Variants in RPS6KA1 observed in about 807,000 individuals in gnomAD.
RPS6KA1 encodes ribosomal protein S6 kinase alpha-1.
In RPS6KA1, 48 loss-of-function variants were observed where a neutral mutation model predicts 91.3. That is an observed-to-expected ratio of 0.53 (90% CI 0.42 to 0.67). The LOEUF (loss-of-function observed/expected upper bound fraction) is 0.67, where lower values mean the gene tolerates loss of function less well. RPS6KA1 is among the 30% of genes least tolerant of loss of function. The pLI is 0.00. For missense variants in RPS6KA1, 719 were observed against 960.5 expected (o/e 0.75, Z 3.32); for synonymous variants, 359 against 384.7 (o/e 0.93, Z 0.78).
At position 26,551,630 on chromosome 1, in the gene RPS6KA1, C is replaced by G. The variant is rs367963132; in HGVS notation, c.389-14C>G. ...CCGCGCCGACTCTACCATTGCCTTT[C>G]TCCCTCTTCCCAGCCTTCCAGACCG... On this transcript the variant is annotated splice_polypyrimidine_tract_variant and intron_variant, in intron 5 of 21. Transcript: ENST00000374168. This position sits in a 1 kb window ranked among gnomAD's most constrained non-coding sequence, Gnocchi z 4.5. The G allele has an allele frequency of 1.2e-6, 2 of 1,613,434 alleles. No individual in the cohort carries two copies. Among genetic ancestry groups the G allele is most frequent in the African/African-American group, 2.7e-5 (2 of 74,934 alleles).
rs985150038 is a variant in RPS6KA1 at position 26,547,439 on chromosome 1, C to T, written c.307+169C>T. 18 of 610,278 alleles carry T rather than the reference C, an allele frequency of 2.9e-5. No individual in the cohort carries two copies. Among genetic ancestry groups the T allele is most frequent in the Admixed American group, 8.3e-5 (3 of 36,358 alleles). The allele number at this position is 610,278 out of a possible 1,614,324, so 37.8% of individuals were successfully genotyped here. ...AGCTATCCCTCGCCAGCCAATCCTC[C>T]TCCCCCTAAGCCAAGTGCTAGTGAC... On this transcript the variant is annotated intron_variant, in intron 4 of 21. Coordinates refer to ENST00000374168, the MANE Select transcript of RPS6KA1 (RefSeq NM_002953.4). This position sits in a 1 kb window ranked among gnomAD's most constrained non-coding sequence, Gnocchi z 4.1.
intron 2 of RPS6KA1, chr1:26,546,058 T>C: frequency 1.2e-6 from 2 of 1,609,166 alleles, no homozygotes; most frequent in Non-Finnish European, 1.7e-6. Context: ...GAATGTCTGG[T>C]CCTGACCTGG....
chr1:26,574,751 AC>A lies in RPS6KA1; in HGVS notation c.*551del. Reference sequence around the variant, plus strand: ...GGGAGTTCTAGAACCACTTCCTGCTACAGGAGGGGTCTCATGTCCTGCTGGC... The same window carrying A: ...GGGAGTTCTAGAACCACTTCCTGCTAAGGAGGGGTCTCATGTCCTGCTGGC... On this transcript the variant is annotated 3_prime_UTR_variant, in exon 22 of 22. Coordinates refer to ENST00000374168, the MANE Select transcript of RPS6KA1 (RefSeq NM_002953.4). This position sits in a 1 kb window ranked among gnomAD's most constrained non-coding sequence, Gnocchi z 4.3. The A allele has an allele frequency of 3.5e-6, 1 of 285,050 alleles. No individual in the cohort carries two copies. The highest frequency in any genetic ancestry group is 7.0e-6 in the Non-Finnish European group (1 of 143,246). The allele number at this position is 285,050 out of a possible 1,614,324, so 17.7% of individuals were successfully genotyped here.
chr1:26,565,810 T>C (rs1457995495), intron 17 of RPS6KA1, among the ~76,000 whole-genome samples: 1 of 152,060 alleles, frequency 6.6e-6, no homozygotes, highest in East Asian at 1.9e-4. Flanking sequence ...GATCCACCGG[T>C]CTCGGCCTCC....
chr1:26,537,114 C>T (rs1212922767), intron 2 of RPS6KA1, 145 bp downstream of exon 2: 1 of 816,902 alleles, frequency 1.2e-6, no homozygotes, highest in Non-Finnish European at 2.0e-6. Context: ...TTGTGGCAAC[C>T]CTGGGCATAG....
intron 4 of RPS6KA1, among the ~76,000 whole-genome samples, chr1:26,548,254 G>A (rs2124631192): frequency 6.6e-6 from 1 of 152,216 alleles, no homozygotes; most frequent in East Asian, 1.9e-4. Context: ...AGGCTGGGCA[G>A]GAGAGGCTAA....
chr1:26,545,199 T>C (rs2075982449), intron 2 of RPS6KA1, among the ~76,000 whole-genome samples: 10 of 151,180 alleles, frequency 6.6e-5, no homozygotes, highest in Admixed American at 6.6e-4. Flanking sequence ...AGATGGAGTC[T>C]TGCTCTGCCA....
chr1:26,555,474 G>A lies in RPS6KA1; in HGVS notation c.828-63G>A. On this transcript the variant is annotated intron_variant, in intron 10 of 21. Transcript: ENST00000374168. This position sits in a 1 kb window ranked among gnomAD's most constrained non-coding sequence, Gnocchi z 4.3. Reference sequence around the variant, plus strand: ...AGCTGGGAACTAGATCTGGACAGGGGCCGGGGGAGATGGGGCCTCTGGGGC... The same window carrying A: ...AGCTGGGAACTAGATCTGGACAGGGACCGGGGGAGATGGGGCCTCTGGGGC... 1.4e-6 allele frequency: 2 copies of A among 1,467,886 alleles called. No individual in the cohort carries two copies. The highest frequency in any genetic ancestry group is 2.5e-5 in the East Asian group (1 of 40,472). The allele number at this position is 1,467,886 out of a possible 1,614,324, so 90.9% of individuals were successfully genotyped here.
Position 26,529,824 on chromosome 1 carries a change from G to T in RPS6KA1, c.-97G>T, listed in dbSNP as rs948056198. ...GCCGGAGCGCGAGGGGCTCGGGGGGGCGCGGCGGTTCGGGTCGCAGAGCCA... is the reference window on the plus strand; with the variant it reads ...GCCGGAGCGCGAGGGGCTCGGGGGGTCGCGGCGGTTCGGGTCGCAGAGCCA... On this transcript the variant is annotated 5_prime_UTR_variant, in exon 1 of 22. Transcript: ENST00000374168. This position sits in a 1 kb window ranked among gnomAD's most constrained non-coding sequence, Gnocchi z 4.2. The T allele has an allele frequency of 9.7e-6, 9 of 923,086 alleles. No homozygotes were observed. In the Admixed American group the frequency reaches 3.8e-4, roughly 39 times the overall value. The allele number at this position is 923,086 out of a possible 1,614,324, so 57.2% of individuals were successfully genotyped here.
Position 26,554,825 on chromosome 1 carries a change from T to C in RPS6KA1, c.756+87T>C, listed in dbSNP as rs555809655. On this transcript the variant is annotated intron_variant, in intron 9 of 21. Coordinates refer to ENST00000374168, the MANE Select transcript of RPS6KA1 (RefSeq NM_002953.4). This position sits in a 1 kb window ranked among gnomAD's most constrained non-coding sequence, Gnocchi z 4.6. The stretch of plus-strand genomic sequence containing the variant: ...GTACAGTGAGGGGGTTGATCATTTC[T>C]AGGGCTCTCCCCGTCTCCTCTCACA... 16 of 1,484,404 alleles carry C rather than the reference T, an allele frequency of 1.1e-5. No homozygotes were observed. The highest frequency in any genetic ancestry group is 1.2e-5 in the Non-Finnish European group (13 of 1,101,858). 92.0% of individuals were successfully genotyped at this position (1,484,404 alleles called of 1,614,324 possible). A position where few individuals can be genotyped will look rare whatever the true frequency, so the allele number is the denominator to read the frequency against.
rs900804433 is a variant in RPS6KA1 at position 26,547,994 on chromosome 1, C to T, written c.307+724C>T. 2.0e-5 allele frequency among the ~76,000 whole-genome samples: 3 copies of T among 152,088 alleles called. No individual in the cohort carries two copies. Among genetic ancestry groups the T allele is most frequent in the Non-Finnish European group, 4.4e-5 (3 of 68,010 alleles). On this transcript the variant is annotated intron_variant, in intron 4 of 21. Coordinates refer to ENST00000374168, the MANE Select transcript of RPS6KA1 (RefSeq NM_002953.4). The surrounding 1 kb of genome is among the most constrained non-coding windows in gnomAD (Gnocchi z 4.1). The stretch of plus-strand genomic sequence containing the variant: ...AGACCTGACCAACATGTTGAAACCC[C>T]GTCTCTACTAAAAATACAAAGAAAT...
chr1:26,565,287 G>A (rs978331968), intron 17 of RPS6KA1, among the ~76,000 whole-genome samples: 1 of 152,180 alleles, frequency 6.6e-6, no homozygotes, highest in African/African-American at 2.4e-5. Context: ...GGAAGGGGAT[G>A]ACCAGGGAGC....
intron 2 of RPS6KA1, chr1:26,545,790 C>A: frequency 1.4e-6 from 2 of 1,387,298 alleles, no homozygotes; most frequent in Non-Finnish European, 1.9e-6. Context: ...CTGCCCTGGG[C>A]CAGGCCCAGC....
chr1:26,542,148 A>G (rs6685701), intron 2 of RPS6KA1, among the ~76,000 whole-genome samples: 116,945 of 152,062 alleles, frequency 0.77, 45,503 homozygotes, highest in African/African-American at 0.89. Flanking sequence ...CTCAGCCCGT[A>G]TCTGGAGAGT....
Position 26,560,874 on chromosome 1 carries a change from G to A in RPS6KA1, c.1341+23G>A, listed in dbSNP as rs142375573. 3.8e-4 allele frequency: 615 copies of A among 1,613,986 alleles called. 3 individuals carry two copies. In the Admixed American group the frequency reaches 6.7e-3, roughly 18 times the overall value. Reference sequence around the variant, plus strand: ...AAGGTGGGCCTCCTGACCACGTCTCGGCCAAGGCTGCTGGGTTGGGGGCAG... The same window carrying A: ...AAGGTGGGCCTCCTGACCACGTCTCAGCCAAGGCTGCTGGGTTGGGGGCAG... On this transcript the variant is annotated intron_variant, in intron 15 of 21. Coordinates refer to ENST00000374168, the MANE Select transcript of RPS6KA1 (RefSeq NM_002953.4).
intron 17 of RPS6KA1, among the ~76,000 whole-genome samples, chr1:26,564,609 A>G (rs2076183180): frequency 6.6e-6 from 1 of 152,184 alleles, no homozygotes; most frequent in Non-Finnish European, 1.5e-5. Context: ...TCTCCTTATT[A>G]TAAAGATCCT....
At position 26,574,071 on chromosome 1, in the gene RPS6KA1, T is replaced by C; in HGVS notation, c.2086-8T>C. 6.2e-7 allele frequency: 1 copy of C among 1,613,496 alleles called. No homozygotes were observed. Among genetic ancestry groups the C allele is most frequent in the Non-Finnish European group, 8.5e-7 (1 of 1,179,622 alleles). ...CATTGTGACCTGACCTCCCCACTTCTCTTTCAGGGAGCCATGGCTGCCACG... is the reference window on the plus strand; with the variant it reads ...CATTGTGACCTGACCTCCCCACTTCCCTTTCAGGGAGCCATGGCTGCCACG... On this transcript the variant is annotated splice_region_variant and splice_polypyrimidine_tract_variant and intron_variant, in intron 21 of 21. Transcript: ENST00000374168. This position sits in a 1 kb window ranked among gnomAD's most constrained non-coding sequence, Gnocchi z 4.3.
At chr1:26,535,995 A>G (rs1557488335) in intron 1 of RPS6KA1, among the ~76,000 whole-genome samples, 1 of 152,078 alleles carries the variant, frequency 6.6e-6, no homozygotes, top group Non-Finnish European at 1.5e-5. Context: ...TACTAAAAAA[A>G]ATACAAAAAT....
chr1:26,530,074 G>A (rs2075857174), intron 1 of RPS6KA1, 91 bp downstream of exon 1: 1 of 896,526 alleles, frequency 1.1e-6, no homozygotes. Context: ...CTGCAGTCCG[G>A]CGGGCGCCCG....
Sources: gnomAD v4.1 joint callset for allele counts (sites outside exome capture counted in the v4.1 genomes callset) on GRCh38, gnomAD v4.1.1 for gene constraint, Gnocchi (gnomAD v3.1) non-coding constraint, MANE v1.5 for transcripts, NCBI Gene and HGNC (gene_info 2026-07-23, HGNC 2026-07-21) for gene names.